Variants in TBX19 observed in about 807,000 individuals in gnomAD.
TBX19 encodes T-box transcription factor TBX19.
Under a neutral mutation model 40.9 loss-of-function variants are expected in TBX19, and 33 were observed. That is an observed-to-expected ratio of 0.81 (90% CI 0.61 to 1.08). The LOEUF is 1.08. Among genes scored for constraint, TBX19 ranks in the 50% least tolerant of loss-of-function variants. The pLI is 0.00. For missense variants in TBX19, 494 were observed against 574.0 expected, an observed-to-expected ratio of 0.86 and a Z score of 1.42; for synonymous variants, 220 against 225.0, an observed-to-expected ratio of 0.98 and a Z score of 0.20.
At chr1:168,295,770 T>C (rs1229158777) in intron 3 of TBX19, among the ~76,000 whole-genome samples, 2 of 151,260 alleles carry the variant, frequency 1.3e-5, no homozygotes, top group Non-Finnish European at 2.9e-5. Flanking sequence ...TGGTGGGGGG[T>C]GCATGTGGAA....
At chr1:168,299,982 A>G (rs1649233334) in intron 4 of TBX19, among the ~76,000 whole-genome samples, 1 of 152,170 alleles carries the variant, frequency 6.6e-6, no homozygotes, top group Non-Finnish European at 1.5e-5. Context: ...TTGTTCTTGC[A>G]TAAGTCAGTT....
At chr1:168,295,421 A>G (rs528832050) in intron 3 of TBX19, among the ~76,000 whole-genome samples, 2 of 152,360 alleles carry the variant, frequency 1.3e-5, no homozygotes, top group Admixed American at 1.3e-4. Flanking sequence ...CTGTAGATTT[A>G]AAAGTCTCCC....
intron 7 of TBX19, among the ~76,000 whole-genome samples, chr1:168,310,753 T>C (rs1286465702): frequency 6.8e-6 from 1 of 146,300 alleles, no homozygotes; most frequent in Non-Finnish European, 1.5e-5. Context: ...ATATATAAAA[T>C]AGATAATATA....
intron 1 of TBX19, among the ~76,000 whole-genome samples, chr1:168,284,768 CAAAAAAA>C (rs146281397): frequency 4.0e-5 from 3 of 74,996 alleles, no homozygotes; most frequent in African/African-American, 1.0e-4. Context: ...GACCGTGTCT[CAAAAAAA>C]AAAAAAAAAA....
Position 168,313,918 on chromosome 1 carries a change from A to G in TBX19, c.*916A>G, listed in dbSNP as rs1299460843. 8.0e-6 allele frequency: 1 copy of G among 124,704 alleles called. No homozygotes were observed. The highest frequency in any genetic ancestry group is 1.7e-5 in the Non-Finnish European group (1 of 58,908). 7.7% of individuals were successfully genotyped at this position (124,704 alleles called of 1,614,324 possible). A position where few individuals can be genotyped will look rare whatever the true frequency, so the allele number is the denominator to read the frequency against. ...AGATCAAGGCTTTGTTTCATTTGAA[A>G]AAAAAGAAAGAAAGAAAGAAAGAAA... is the stretch of plus-strand genomic sequence containing the variant. On this transcript the variant is annotated 3_prime_UTR_variant, in exon 8 of 8. Transcript: ENST00000367821.
chr1:168,299,729 C>T (rs1013128313), intron 4 of TBX19, among the ~76,000 whole-genome samples: 1 of 152,160 alleles, frequency 6.6e-6, no homozygotes. Flanking sequence ...CTGCCTCCGC[C>T]TCCTTAGTTG....
chr1:168,301,812 C>T (rs1388717115), intron 5 of TBX19, among the ~76,000 whole-genome samples: 1 of 152,182 alleles, frequency 6.6e-6, no homozygotes, highest in African/African-American at 2.4e-5. Context: ...TTGTATCACA[C>T]ATTCCAGGAA....
chr1:168,298,050 G>A (rs1003025635), intron 4 of TBX19, among the ~76,000 whole-genome samples: 3 of 152,134 alleles, frequency 2.0e-5, no homozygotes, highest in East Asian at 3.9e-4. Flanking sequence ...CAAAAAATTA[G>A]CCGGGTGTGG....
rs1649565846 is a variant in TBX19 at position 168,313,050 on chromosome 1, G to C, written c.*48G>C. 1 of 1,610,046 alleles carries C rather than the reference G, an allele frequency of 6.2e-7. No individual in the cohort carries two copies. The highest frequency in any genetic ancestry group is 1.3e-5 in the African/African-American group (1 of 74,834). On this transcript the variant is annotated 3_prime_UTR_variant, in exon 8 of 8. Coordinates refer to ENST00000367821, the MANE Select transcript of TBX19 (RefSeq NM_005149.3). ...GCACAGCGATCCTTCCATGTGTAGAGTGCTTAGAAACCCCATCAACTGATC... is the reference window on the plus strand; with the variant it reads ...GCACAGCGATCCTTCCATGTGTAGACTGCTTAGAAACCCCATCAACTGATC...
intron 1 of TBX19, 87 bp downstream of exon 1, chr1:168,281,380 C>A: frequency 8.0e-7 from 1 of 1,256,866 alleles, no homozygotes; most frequent in Non-Finnish European, 1.2e-6. Context: ...TGCCGCTCTT[C>A]ACTCAGAGGC....
chr1:168,309,402 G>T (rs1649475503), intron 7 of TBX19, among the ~76,000 whole-genome samples: 1 of 152,046 alleles, frequency 6.6e-6, no homozygotes, highest in Non-Finnish European at 1.5e-5. Flanking sequence ...TAAATAAAAG[G>T]ATAAAGACAT....
intron 7 of TBX19, among the ~76,000 whole-genome samples, chr1:168,310,410 T>G (rs1649493225): frequency 6.6e-6 from 1 of 152,046 alleles, no homozygotes; most frequent in African/African-American, 2.4e-5. Context: ...CACCTGGGGT[T>G]GTTGTTAAAA....
intron 5 of TBX19, among the ~76,000 whole-genome samples, chr1:168,301,203 A>G (rs1292990233): frequency 6.6e-6 from 1 of 152,096 alleles, no homozygotes; most frequent in Admixed American, 6.5e-5. Context: ...CTTCAATCTT[A>G]CTGCACCTTC....
chr1:168,302,935 G>A lies in TBX19; in HGVS notation c.728-2073G>A, dbSNP rs114047459. On this transcript the variant is annotated intron_variant, in intron 5 of 7. Coordinates refer to ENST00000367821, the MANE Select transcript of TBX19 (RefSeq NM_005149.3). ...CTGAAGGTCCATGAGTTACATATAC[G>A]TGTAATGCCTCCTAGACTGCCTTTT... Among the ~76,000 whole-genome samples the A allele has an allele frequency of 1.8e-3, 270 of 152,244 alleles. 1 individual carries two copies. Among genetic ancestry groups the A allele is most frequent in the African/African-American group, 6.1e-3 (252 of 41,532 alleles).
chr1:168,313,634 TG>T lies in TBX19; in HGVS notation c.*635del. On this transcript the variant is annotated 3_prime_UTR_variant, in exon 8 of 8. Coordinates refer to ENST00000367821, the MANE Select transcript of TBX19 (RefSeq NM_005149.3). ...TGAAGTCAATTCTCCTCACTATAAC[TG>T]GGTGTGGTAGTTTAAGCCTATAATC... 6.4e-6 allele frequency: 1 copy of T among 155,186 alleles called. No homozygotes were observed. The highest frequency in any genetic ancestry group is 1.9e-4 in the East Asian group (1 of 5,254). 9.6% of individuals were successfully genotyped at this position (155,186 alleles called of 1,614,324 possible).
rs780004617 is a variant in TBX19 at position 168,308,846 on chromosome 1, C to T, written c.1021C>T (p.His341Tyr). 2 of 1,614,012 alleles carry T rather than the reference C, an allele frequency of 1.2e-6. No individual in the cohort carries two copies. Among genetic ancestry groups the T allele is most frequent in the Non-Finnish European group, 1.7e-6 (2 of 1,180,036 alleles). ...TPHASILSVP[H>Y]TNGPINPGPS... ...CCATGCCAGCATCCTGTCTGTACCCCACACCAACGGACCAATCAATCCAGG... is the reference window on the plus strand; with the variant it reads ...CCATGCCAGCATCCTGTCTGTACCCTACACCAACGGACCAATCAATCCAGG... Residue 341 changes from histidine to tyrosine, a missense_variant, in exon 7 of 8, where the codon CAC (histidine) becomes TAC (tyrosine). His to Tyr is a moderately conservative substitution (Grantham distance 83, BLOSUM62 2). Coordinates refer to ENST00000367821, the MANE Select transcript of TBX19 (RefSeq NM_005149.3).
At chr1:168,304,926 C>T (rs1649362320) in intron 5 of TBX19, 82 bp from the exon 6 acceptor site, 4 of 1,348,026 alleles carry the variant, frequency 3.0e-6, no homozygotes, top group Non-Finnish European at 3.2e-6. Context: ...AGAATTGTAG[C>T]TGTGTAAAGT....
chr1:168,297,915 G>T lies in TBX19; in HGVS notation c.665+130G>T, dbSNP rs116692676. On this transcript the variant is annotated intron_variant, in intron 4 of 7. Transcript: ENST00000367821. ...TTACCTTTTATAGAAATAGGCTTTC[G>T]GCCAGGTGCGGTGGCTCATGCCTGT... 784 of 841,124 alleles carry T rather than the reference G, an allele frequency of 9.3e-4. 6 individuals carry two copies. The African/African-American group carries it at 0.012, about 13-fold the overall frequency. 52.1% of individuals were successfully genotyped at this position (841,124 alleles called of 1,614,324 possible).
intron 7 of TBX19, among the ~76,000 whole-genome samples, chr1:168,310,284 G>A (rs1448504076): frequency 6.7e-6 from 1 of 149,774 alleles, no homozygotes; most frequent in Admixed American, 6.6e-5. Context: ...CAACAAGAGC[G>A]AAACTCTGCC....
Sources: allele counts gnomAD v4.1 joint callset (sites outside exome capture counted in the v4.1 genomes callset), GRCh38; gene constraint gnomAD v4.1.1; transcripts MANE v1.5; gene names NCBI Gene and HGNC (gene_info 2026-07-23, HGNC 2026-07-21).